The following LIMCH1 variants were observed in gnomAD, a reference collection of about 807,000 sequenced individuals.
LIMCH1 encodes LIM and calponin homology domains-containing protein 1.
In LIMCH1, 113 loss-of-function variants were observed where a neutral mutation model predicts 176.5. The observed-to-expected ratio is 0.64, with a 90% CI of 0.55 to 0.75. The LOEUF is 0.75. Among genes scored for constraint, LIMCH1 ranks in the 30% least tolerant of loss-of-function variants. The probability of loss-of-function intolerance (pLI) is 0.00; values close to 1 mark genes in which losing one functional copy is unlikely to be tolerated. For synonymous variants in LIMCH1, 619 were observed against 645.9 expected (o/e 0.96, Z 0.63); for missense variants, 1,674 against 1,814.9 (o/e 0.92, Z 1.41).
chr4:41,492,369 C>G (rs6835001), intron 1 of LIMCH1, among the ~76,000 whole-genome samples: 15,645 of 150,998 alleles, frequency 0.1, 1,267 homozygotes, highest in African/African-American at 0.22. Flanking sequence ...GCAGTACAGT[C>G]CAGGCTCCGC....
chr4:41,678,579 C>T (rs143626795), intron 23 of LIMCH1, among the ~76,000 whole-genome samples: 8 of 152,158 alleles, frequency 5.3e-5, no homozygotes, highest in African/African-American at 1.7e-4. Flanking sequence ...CACTGTGGTG[C>T]TCTATTACAT....
intron 1 of LIMCH1, among the ~76,000 whole-genome samples, chr4:41,433,170 G>A (rs556130975): frequency 6.6e-6 from 1 of 152,226 alleles, no homozygotes; most frequent in East Asian, 1.9e-4. Context: ...ATGAGGGAGG[G>A]CATTTAGTGA....
chr4:41,497,318 GA>G (rs34534406), intron 2 of LIMCH1, among the ~76,000 whole-genome samples: 39,471 of 141,944 alleles, frequency 0.28, 5,284 homozygotes, highest in South Asian at 0.36. Flanking sequence ...GGAGTCTAAA[GA>G]AAAAAAAAAA....
At chr4:41,580,830 G>C (rs891397864) in intron 1 of LIMCH1, among the ~76,000 whole-genome samples, 4 of 152,056 alleles carry the variant, frequency 2.6e-5, no homozygotes, top group African/African-American at 7.2e-5. Context: ...AAAATAAATG[G>C]CAAACCAATA....
intron 1 of LIMCH1, among the ~76,000 whole-genome samples, chr4:41,588,032 C>T (rs2086788488): frequency 6.6e-6 from 1 of 151,882 alleles, no homozygotes; most frequent in African/African-American, 2.4e-5. Context: ...TGTGCTGCGC[C>T]CATTAACTCG....
In LIMCH1 at chr4:41,698,333, CT is replaced by C. The variant is rs1731800590; in HGVS notation, c.*1155del. 1.3e-5 allele frequency: 2 copies of C among 152,212 alleles called. No individual in the cohort carries two copies. Among genetic ancestry groups the C allele is most frequent in the Non-Finnish European group, 1.5e-5 (1 of 68,068 alleles). 9.4% of individuals were successfully genotyped at this position (152,212 alleles called of 1,614,324 possible). ...ACCTACTCTCCTCCATTCTCCATCA[CT>C]TTTTTTGCTATCAAGAACTCCGGAC... On this transcript the variant is annotated 3_prime_UTR_variant, in exon 32 of 32. Coordinates refer to ENST00000503057, the MANE Select transcript of LIMCH1 (RefSeq NM_001330672.2).
intron 2 of LIMCH1, among the ~76,000 whole-genome samples, chr4:41,519,897 T>G (rs1248424782): frequency 6.6e-6 from 1 of 152,182 alleles, no homozygotes; most frequent in Admixed American, 6.5e-5. Context: ...AACTCATAGC[T>G]AATATGTATA....
intron 17 of LIMCH1, among the ~76,000 whole-genome samples, chr4:41,647,651 G>A (rs1028264374): frequency 6.6e-6 from 1 of 152,240 alleles, no homozygotes; most frequent in African/African-American, 2.4e-5. Context: ...CACTCAATGA[G>A]TTTGTAATAA....
chr4:41,668,529 T>C (rs2094909309), intron 21 of LIMCH1, among the ~76,000 whole-genome samples: 1 of 152,250 alleles, frequency 6.6e-6, no homozygotes, highest in African/African-American at 2.4e-5. Flanking sequence ...CATTACTTAT[T>C]GTGAGGCATT....
intron 8 of LIMCH1, among the ~76,000 whole-genome samples, chr4:41,628,772 A>G (rs1281029861): frequency 1.3e-5 from 2 of 152,208 alleles, no homozygotes; most frequent in Non-Finnish European, 2.9e-5. Context: ...TAGGAGAACA[A>G]TGGAAAATAT....
chr4:41,644,719 G>A (rs1177274019), intron 15 of LIMCH1, 93 bp downstream of exon 15: 1 of 1,463,026 alleles, frequency 6.8e-7, no homozygotes, highest in South Asian at 1.4e-5. Context: ...AAGCCATGCG[G>A]GGAAAGGGAG....
At chr4:41,621,826 A>T (rs1208524240) in intron 7 of LIMCH1, among the ~76,000 whole-genome samples, 2 of 152,178 alleles carry the variant, frequency 1.3e-5, no homozygotes, top group Non-Finnish European at 2.9e-5. Flanking sequence ...TGGTGATCAG[A>T]TTCGGATGCT....
intron 7 of LIMCH1, among the ~76,000 whole-genome samples, chr4:41,624,060 G>A (rs898378272): frequency 6.6e-6 from 1 of 152,122 alleles, no homozygotes; most frequent in African/African-American, 2.4e-5. Context: ...GTTTTTAAGA[G>A]GATAAAATAA....
chr4:41,663,584 C>T (rs1221817508), intron 20 of LIMCH1, among the ~76,000 whole-genome samples: 1 of 152,002 alleles, frequency 6.6e-6, no homozygotes, highest in Non-Finnish European at 1.5e-5. Flanking sequence ...GTTTTAAAGT[C>T]TTGTTTTTAT....
intron 5 of LIMCH1, among the ~76,000 whole-genome samples, chr4:41,614,304 C>T (rs1164950274): frequency 3.3e-5 from 5 of 152,072 alleles, no homozygotes; most frequent in Non-Finnish European, 1.5e-5. Flanking sequence ...GATCATTTTT[C>T]GTTACAAAAA....
At chr4:41,361,038 C>T in intron 1 of LIMCH1, 1 of 727,924 alleles carries the variant, frequency 1.4e-6, no homozygotes, top group Non-Finnish European at 2.1e-6. Context: ...CCCAACCGCC[C>T]CCACTTTCTT....
rs1431623578 is a variant in LIMCH1 at position 41,609,615 on chromosome 4, G to A, written c.9+3611G>A. 8.8e-6 allele frequency: 4 copies of A among 455,708 alleles called. No homozygotes were observed. The Admixed American group carries it at 9.4e-5, about 11-fold the overall frequency. 28.2% of individuals were successfully genotyped at this position (455,708 alleles called of 1,614,324 possible). On this transcript the variant is annotated intron_variant, in intron 4 of 31. Transcript: ENST00000503057. ...ACTGTTAAGTCATCCACCAGTCCTA[G>A]CTGGTTCTTGTTATGTCTGAGAAAG...
At chr4:41,633,130 C>A in intron 12 of LIMCH1, 45 bp downstream of exon 12, 1 of 1,328,782 alleles carries the variant, frequency 7.5e-7, no homozygotes, top group Non-Finnish European at 1.0e-6. Flanking sequence ...GTTGCCCCTG[C>A]TGTGTGTGGC....
chr4:41,404,414 G>T (rs2058755830), intron 1 of LIMCH1, among the ~76,000 whole-genome samples: 1 of 152,116 alleles, frequency 6.6e-6, no homozygotes, highest in African/African-American at 2.4e-5. Flanking sequence ...ATCAGTAAAG[G>T]ATTAAGGTGG....
Sources: allele counts gnomAD v4.1 joint callset (sites outside exome capture counted in the v4.1 genomes callset), GRCh38; gene constraint gnomAD v4.1.1; transcripts MANE v1.5; gene names NCBI Gene and HGNC (gene_info 2026-07-23, HGNC 2026-07-21).